The following STIL variants were observed in gnomAD, a reference collection of about 807,000 sequenced individuals.
STIL encodes SCL-interrupting locus protein.
In STIL, 55 loss-of-function variants were observed where a neutral mutation model predicts 110.1. The observed-to-expected ratio is 0.50, with a 90% CI of 0.40 to 0.63. The LOEUF (loss-of-function observed/expected upper bound fraction) is 0.63. Ranked by LOEUF, STIL falls within the 20% of genes least tolerant of loss-of-function variation. The pLI is 0.00. For missense variants in STIL, 1,358 were observed against 1,530.0 expected, an observed-to-expected ratio of 0.89 and a Z score of 1.87; for synonymous variants, 481 against 530.0, an observed-to-expected ratio of 0.91 and a Z score of 1.27.
At chr1:47,257,579 A>G (rs1379635550) in intron 16 of STIL, among the ~76,000 whole-genome samples, 4 of 152,210 alleles carry the variant, frequency 2.6e-5, no homozygotes, top group Non-Finnish European at 5.9e-5. Context: ...AAACTTTAAG[A>G]TATTTTTGGT....
At chr1:47,292,914 A>G (rs1194711218) in intron 8 of STIL, among the ~76,000 whole-genome samples, 1 of 152,232 alleles carries the variant, frequency 6.6e-6, no homozygotes, top group Non-Finnish European at 1.5e-5. Context: ...TAATAGATAA[A>G]GAAGGTGAGA....
intron 14 of STIL, among the ~76,000 whole-genome samples, chr1:47,265,258 A>AAAAAAC: frequency 6.6e-6 from 1 of 150,758 alleles, no homozygotes; most frequent in African/African-American, 2.4e-5. Flanking sequence ...AAAAAAAAAA[A>AAAAAAC]AACACAAGAT....
intron 12 of STIL, among the ~76,000 whole-genome samples, chr1:47,276,307 T>G (rs2472725): frequency 0.42 from 63,418 of 151,606 alleles, 15,410 homozygotes; most frequent in South Asian, 0.55. Context: ...TGGTCTACAT[T>G]ATTTAACTGT....
rs534320648 is a variant in STIL at position 47,278,284 on chromosome 1, T to C, written c.2217+1957A>G. ...TGTCTATCATTATGATAGAAACCCA[T>C]GCAGGGTAAGGGAGTTCTATATATA... On this transcript the variant is annotated intron_variant, in intron 12 of 16. Coordinates refer to ENST00000371877, the MANE Select transcript of STIL (RefSeq NM_001048166.1). Among the ~76,000 whole-genome samples, 203 of 152,226 alleles carry C rather than the reference T, an allele frequency of 1.3e-3. No homozygotes were observed. The Middle Eastern group carries it at 0.02, about 15-fold the overall frequency.
chr1:47,274,613 A>G (rs1963139), intron 12 of STIL, among the ~76,000 whole-genome samples: 110,526 of 143,058 alleles, frequency 0.77, 43,425 homozygotes, highest in Middle Eastern at 0.87. Context: ...CACCACACCC[A>G]GCCTCTTTCT....
rs1644163565 is a variant in STIL at position 47,250,822 on chromosome 1, A to C, written c.*314T>G. ...TACAAGAGCAAAACTCCGTCTCAAA[A>C]AAAAAAGTACAGTATAAAAGAGCAG... On this transcript the variant is annotated 3_prime_UTR_variant, in exon 17 of 17. Transcript: ENST00000371877. 1 of 249,110 alleles carries C rather than the reference A, an allele frequency of 4.0e-6. No homozygotes were observed. The highest frequency in any genetic ancestry group is 2.2e-5 in the African/African-American group (1 of 45,004). 15.4% of individuals were successfully genotyped at this position (249,110 alleles called of 1,614,324 possible). A position where few individuals can be genotyped will look rare whatever the true frequency, so the allele number is the denominator to read the frequency against.
At position 47,280,231 on chromosome 1, in the gene STIL, C is replaced by T; in HGVS notation, c.2217+10G>A. The T allele has an allele frequency of 6.2e-7, 1 of 1,614,130 alleles. No homozygotes were observed. ...AGAAATTAATAGAACTAGGAAAGCA[C>T]CAAGCAAACCTGTGCCTGAAGTAGT... On this transcript the variant is annotated intron_variant, in intron 12 of 16. Coordinates refer to ENST00000371877, the MANE Select transcript of STIL (RefSeq NM_001048166.1).
chr1:47,293,336 G>T, intron 8 of STIL, 122 bp downstream of exon 8: 4 of 746,570 alleles, frequency 5.4e-6, no homozygotes, highest in Admixed American at 2.6e-5. Flanking sequence ...TTTTCTTAAT[G>T]TACGTGTTTA....
chr1:47,285,035 T>TTTC (rs1167203056), intron 10 of STIL, among the ~76,000 whole-genome samples: 2 of 151,150 alleles, frequency 1.3e-5, no homozygotes, highest in South Asian at 2.1e-4. Context: ...TTTTTTTTTT[T>TTTC]TTCTTTGAGA....
Position 47,262,955 on chromosome 1 carries a change from T to G in STIL, c.2777A>C (p.Gln926Pro), listed in dbSNP as rs368389123. The stretch of plus-strand genomic sequence containing the variant: ...ATCTGATGGTTGATGAAGCAAGGGT[T>G]GCATTACATGCTCAATTTTTGGTTC... Reference protein sequence around the residue: ...SEEPKIEHVMQPLLHQPSDNQ... With the variant: ...SEEPKIEHVMPPLLHQPSDNQ... The change falls in exon 15 of 17, where the codon CAA (glutamine) becomes CCA (proline). Residue 926 changes from glutamine to proline, a missense_variant. Coordinates refer to ENST00000371877, the MANE Select transcript of STIL (RefSeq NM_001048166.1). The G allele has an allele frequency of 5.6e-6, 9 of 1,614,086 alleles. No individual in the cohort carries two copies. The highest frequency in any genetic ancestry group is 4.0e-5 in the African/African-American group (3 of 74,932).
chr1:47,307,001 A>G lies in STIL; in HGVS notation c.45-2005T>C, dbSNP rs145076456. Among the ~76,000 whole-genome samples, 228 of 152,258 alleles carry G rather than the reference A, an allele frequency of 1.5e-3. 1 individual carries two copies. Among genetic ancestry groups the G allele is most frequent in the African/African-American group, 5.4e-3 (223 of 41,550 alleles). ...ACCCCATCTCCACTAGAAATACAAA[A>G]TTAGCCAGGTGTGGTGCCACGCGCC... On this transcript the variant is annotated intron_variant, in intron 2 of 16. Coordinates refer to ENST00000371877, the MANE Select transcript of STIL (RefSeq NM_001048166.1).
chr1:47,276,444 C>T (rs1429188432), intron 12 of STIL, among the ~76,000 whole-genome samples: 2 of 151,692 alleles, frequency 1.3e-5, no homozygotes, highest in African/African-American at 2.4e-5. Context: ...GATAAAGGAC[C>T]AATTTCCTTC....
At position 47,250,470 on chromosome 1, in the gene STIL, T is replaced by C. The variant is rs1002268476; in HGVS notation, c.*666A>G. 1.8e-5 allele frequency: 3 copies of C among 166,298 alleles called. No homozygotes were observed. Among genetic ancestry groups the C allele is most frequent in the African/African-American group, 4.8e-5 (2 of 41,914 alleles). 10.3% of individuals were successfully genotyped at this position (166,298 alleles called of 1,614,324 possible). A position where few individuals can be genotyped will look rare whatever the true frequency, so the allele number is the denominator to read the frequency against. The stretch of plus-strand genomic sequence containing the variant: ...ATTTACCCAACACCATGATAACTTA[T>C]GTTCTTTTAATGATATAGGATAAAT... On this transcript the variant is annotated 3_prime_UTR_variant, in exon 17 of 17. Coordinates refer to ENST00000371877, the MANE Select transcript of STIL (RefSeq NM_001048166.1).
intron 12 of STIL, among the ~76,000 whole-genome samples, chr1:47,277,021 T>C (rs1645014638): frequency 6.6e-6 from 1 of 152,118 alleles, no homozygotes; most frequent in African/African-American, 2.4e-5. Context: ...TAACAAACTA[T>C]GTATTAAGCA....
intron 2 of STIL, among the ~76,000 whole-genome samples, chr1:47,308,403 A>C (rs374869066): frequency 2.5e-5 from 3 of 117,670 alleles, no homozygotes; most frequent in South Asian, 5.6e-4. Context: ...AAAACAAAAA[A>C]AAAGAAAAAA....
Position 47,303,314 on chromosome 1 carries a change from C to G in STIL, c.153-968G>C, listed in dbSNP as rs527738330. 3.3e-5 allele frequency among the ~76,000 whole-genome samples: 5 copies of G among 151,632 alleles called. No homozygotes were observed. The East Asian group carries it at 9.7e-4, about 29-fold the overall frequency. On this transcript the variant is annotated intron_variant, in intron 3 of 16. Coordinates refer to ENST00000371877, the MANE Select transcript of STIL (RefSeq NM_001048166.1). Reference sequence around the variant, plus strand: ...GCGTGGTGGCACATGCCTGTAATCCCAGCACTTTGGGAGGATGAGGCAGGT... The same window carrying G: ...GCGTGGTGGCACATGCCTGTAATCCGAGCACTTTGGGAGGATGAGGCAGGT...
intron 13 of STIL, among the ~76,000 whole-genome samples, chr1:47,271,508 G>A (rs987701625): frequency 6.8e-6 from 1 of 146,236 alleles, no homozygotes; most frequent in African/African-American, 2.6e-5. Flanking sequence ...GCAGTGAGCC[G>A]AGACTATGCC....
intron 10 of STIL, among the ~76,000 whole-genome samples, chr1:47,286,428 G>A (rs7548099): frequency 0.2 from 30,401 of 149,394 alleles, 1,663 homozygotes; most frequent in Non-Finnish European, 0.28. Flanking sequence ...TGAGAAAGAG[G>A]CCGGGTGTGG....
chr1:47,262,038 C>T (rs1028219958), intron 15 of STIL, among the ~76,000 whole-genome samples: 2 of 152,068 alleles, frequency 1.3e-5, no homozygotes, highest in African/African-American at 4.8e-5. Context: ...TAAATTAGGC[C>T]TTTATGATGT....
Sources: allele counts gnomAD v4.1 joint callset (sites outside exome capture counted in the v4.1 genomes callset), GRCh38; gene constraint gnomAD v4.1.1; transcripts MANE v1.5; gene names NCBI Gene and HGNC (gene_info 2026-07-23, HGNC 2026-07-21).